RCBTB2: variants seen among roughly 807,000 people sequenced by gnomAD.
The protein encoded by RCBTB2 is RCC1 and BTB domain containing protein 2.
RCBTB2 carries 55 observed loss-of-function variants against 65.4 expected under a neutral mutation model. That is an observed-to-expected ratio of 0.84 (90% CI 0.68 to 1.05). RCBTB2 has a LOEUF of 1.05. Among genes scored for constraint, RCBTB2 ranks in the 50% least tolerant of loss-of-function variants. RCBTB2 has a pLI of 0.00. For synonymous variants in RCBTB2, 220 were observed against 255.2 expected (o/e 0.86, Z 1.31); for missense variants, 599 against 680.1 (o/e 0.88, Z 1.33).
rs557943103 is a variant in RCBTB2, at chr13:48,508,334, A to G, written c.926+2295T>C. Among the ~76,000 whole-genome samples the G allele has an allele frequency of 8.5e-4, 130 of 152,342 alleles. 1 individual carries two copies. The highest frequency in any genetic ancestry group is 2.9e-3 in the Admixed American group (45 of 15,308). On this transcript the variant is annotated intron_variant, in intron 10 of 14. Coordinates refer to ENST00000344532, the MANE Select transcript of RCBTB2 (RefSeq NM_001268.4). The stretch of plus-strand genomic sequence containing the variant: ...ATTGAGTGCCTGGTTGAAACTGTGC[A>G]AGTTCAGAAACCACCACTTGAAATT...
intron 4 of RCBTB2, among the ~76,000 whole-genome samples, chr13:48,517,605 G>C (rs551713341): frequency 2.1e-4 from 32 of 152,262 alleles, no homozygotes; most frequent in African/African-American, 7.7e-4. Flanking sequence ...TGTCCCAATG[G>C]CCACTGGACC....
chr13:48,508,191 G>A (rs1442143486), intron 10 of RCBTB2, among the ~76,000 whole-genome samples: 2 of 152,144 alleles, frequency 1.3e-5, no homozygotes, highest in Non-Finnish European at 2.9e-5. Flanking sequence ...AAGGCTCCGG[G>A]GTTCCCCAGG....
intron 4 of RCBTB2, among the ~76,000 whole-genome samples, chr13:48,520,120 G>C (rs867974802): frequency 1.3e-5 from 2 of 152,164 alleles, no homozygotes; most frequent in Non-Finnish European, 1.5e-5. Context: ...TTTCGGATAA[G>C]GGATACTCTA....
chr13:48,509,758 T>C (rs1351325569), intron 10 of RCBTB2, among the ~76,000 whole-genome samples: 1 of 152,198 alleles, frequency 6.6e-6, no homozygotes, highest in African/African-American at 2.4e-5. Context: ...AAAATGACAA[T>C]TTGGTTCTTC....
upstream of RCBTB2, chr13:48,533,161 C>A: frequency 2.7e-6 from 1 of 376,758 alleles, no homozygotes; most frequent in Non-Finnish European, 5.3e-6. Flanking sequence ...CTCGGGTGCC[C>A]GGCCGAGACG....
chr13:48,516,648 C>T (rs1951107534), intron 4 of RCBTB2, among the ~76,000 whole-genome samples: 1 of 152,186 alleles, frequency 6.6e-6, no homozygotes, highest in Admixed American at 6.6e-5. Flanking sequence ...TCTGCATTGA[C>T]CCCATTTCCA....
At chr13:48,508,740 G>T (rs941291010) in intron 10 of RCBTB2, among the ~76,000 whole-genome samples, 1 of 152,168 alleles carries the variant, frequency 6.6e-6, no homozygotes, top group Non-Finnish European at 1.5e-5. Context: ...AAAAATAACT[G>T]CAGTTTAAGA....
At chr13:48,533,646 G>A (rs1464774767), upstream of RCBTB2, among the ~76,000 whole-genome samples, 3 of 152,026 alleles carry the variant, frequency 2.0e-5, no homozygotes, top group African/African-American at 7.3e-5. Flanking sequence ...GTTACCTTGG[G>A]GCCAAGGGCT....
At chr13:48,516,649 C>T (rs1278408943) in intron 4 of RCBTB2, among the ~76,000 whole-genome samples, 1 of 152,140 alleles carries the variant, frequency 6.6e-6, no homozygotes. Context: ...CTGCATTGAC[C>T]CCATTTCCAA....
At chr13:48,501,373 T>C (rs1024295280) in intron 12 of RCBTB2, among the ~76,000 whole-genome samples, 2 of 152,186 alleles carry the variant, frequency 1.3e-5, no homozygotes, top group African/African-American at 4.8e-5. Flanking sequence ...CAAGTGATTA[T>C]AAGAAGGTGA....
In RCBTB2 at chr13:48,503,119, TA is replaced by T. The variant is rs1950321160; in HGVS notation, c.927-206del. On this transcript the variant is annotated intron_variant, in intron 10 of 14. Coordinates refer to ENST00000344532, the MANE Select transcript of RCBTB2 (RefSeq NM_001268.4). ...CAGGCACCAAACCGTTATTTACATTTAAGCCACACTTCAATGGCACTTATAA... is the reference window on the plus strand; with the variant it reads ...CAGGCACCAAACCGTTATTTACATTTAGCCACACTTCAATGGCACTTATAA... Among the ~76,000 whole-genome samples the T allele has an allele frequency of 2.6e-5, 4 of 152,334 alleles. No homozygotes were observed. In the South Asian group the frequency reaches 6.2e-4, roughly 24 times the overall value.
At chr13:48,499,142 ACTCTCTCTCTCTCTCTCT>A (rs568053175) in intron 13 of RCBTB2, among the ~76,000 whole-genome samples, 3 of 132,284 alleles carry the variant, frequency 2.3e-5, no homozygotes, top group African/African-American at 8.8e-5. Context: ...ACACACACAC[ACTCTCTCTCTCTCTCTCT>A]CTCTCTCTCA....
intron 13 of RCBTB2, among the ~76,000 whole-genome samples, chr13:48,497,253 G>A (rs1337863569): frequency 6.6e-6 from 1 of 152,086 alleles, no homozygotes; most frequent in Non-Finnish European, 1.5e-5. Context: ...AGTGCCCCAG[G>A]GTTAAATCCT....
chr13:48,499,255 C>G (rs1027015878), intron 13 of RCBTB2, among the ~76,000 whole-genome samples: 2 of 152,090 alleles, frequency 1.3e-5, no homozygotes, highest in Non-Finnish European at 2.9e-5. Flanking sequence ...TGCCCATTTT[C>G]CCAGCCTCCT....
At chr13:48,499,318 G>A (rs1220955856) in intron 13 of RCBTB2, among the ~76,000 whole-genome samples, 1 of 152,154 alleles carries the variant, frequency 6.6e-6, no homozygotes, top group East Asian at 1.9e-4. Context: ...GAAATAAGTG[G>A]AATTCCTGGG....
intron 12 of RCBTB2, among the ~76,000 whole-genome samples, chr13:48,500,719 C>T (rs961329721): frequency 5.3e-5 from 8 of 152,194 alleles, no homozygotes; most frequent in Non-Finnish European, 1.0e-4. Flanking sequence ...TCACTCACAG[C>T]CTCACAAGAA....
chr13:48,533,192 A>C, upstream of RCBTB2: 2 of 354,042 alleles, frequency 5.6e-6, no homozygotes, highest in Non-Finnish European at 1.1e-5. Flanking sequence ...GAGCGCAGAC[A>C]AGAGGAGGGG....
In RCBTB2 at chr13:48,532,814, C is replaced by T. The variant is rs7331860; in HGVS notation, c.-219+214G>A. The T allele has an allele frequency of 3.3e-3, 1,111 of 338,458 alleles. 21 individuals carry two copies. The highest frequency in any genetic ancestry group is 0.024 in the African/African-American group (1,045 of 44,310). The allele number at this position is 338,458 out of a possible 1,614,324, so 21.0% of individuals were successfully genotyped here. On this transcript the variant is annotated intron_variant, in intron 1 of 14. Coordinates refer to ENST00000344532, the MANE Select transcript of RCBTB2 (RefSeq NM_001268.4). ...CTGGGTGTAGCCCCGGAACCTAGCT[C>T]TTAACTCCCGCCAGCAGTTTTACGC... is the stretch of plus-strand genomic sequence containing the variant.
intron 14 of RCBTB2, among the ~76,000 whole-genome samples, chr13:48,495,199 T>C (rs145149802): frequency 6.6e-6 from 1 of 152,268 alleles, no homozygotes; most frequent in African/African-American, 2.4e-5. Context: ...TGGTTTTCTT[T>C]CCTTTCTTTA....
Sources: gnomAD v4.1 joint callset for allele counts (sites outside exome capture counted in the v4.1 genomes callset) on GRCh38, gnomAD v4.1.1 for gene constraint, MANE v1.5 for transcripts, NCBI Gene and HGNC (gene_info 2026-07-23, HGNC 2026-07-21) for gene names.